The following LDAH variants were observed in gnomAD, a reference collection of about 807,000 sequenced individuals.
LDAH encodes lipid droplet associated hydrolase, also known as lipid droplet-associated hydrolase.
Under a neutral mutation model 29.6 loss-of-function variants are expected in LDAH, and 26 were observed. The ratio of observed to expected loss-of-function variants is 0.88; its 90% CI spans 0.64 to 1.22. LDAH has a LOEUF of 1.22. Ranked by LOEUF, LDAH falls within the 50% of genes most tolerant of loss-of-function variation. The pLI is 0.00. For missense variants in LDAH, 344 were observed against 387.3 expected (o/e 0.89, Z 0.94); for synonymous variants, 117 against 133.0 (o/e 0.88, Z 0.83).
At chr2:20,809,067 C>T (rs1048032164) in intron 1 of LDAH, among the ~76,000 whole-genome samples, 1 of 151,858 alleles carries the variant, frequency 6.6e-6, no homozygotes. Context: ...CCAAAGGTTT[C>T]GTAAACAAGG....
intron 5 of LDAH, among the ~76,000 whole-genome samples, chr2:20,707,052 C>T (rs1305875321): frequency 2.6e-5 from 4 of 152,158 alleles, no homozygotes; most frequent in African/African-American, 9.7e-5. Context: ...ACATTTCTTT[C>T]ATATTGAGCA....
intron 4 of LDAH, among the ~76,000 whole-genome samples, chr2:20,756,942 A>G (rs543437312): frequency 3.3e-5 from 5 of 152,366 alleles, no homozygotes; most frequent in South Asian, 2.1e-4. Context: ...TTGAAATGAC[A>G]TACTTCTCAA....
intron 4 of LDAH, among the ~76,000 whole-genome samples, chr2:20,746,698 A>C (rs138095266): frequency 1.7e-4 from 26 of 152,208 alleles, no homozygotes; most frequent in African/African-American, 5.8e-4. Context: ...AAAATCACCT[A>C]AGTCAAGGAA....
intron 5 of LDAH, among the ~76,000 whole-genome samples, chr2:20,728,660 C>T (rs527757549): frequency 6.6e-6 from 1 of 152,164 alleles, no homozygotes; most frequent in African/African-American, 2.4e-5. Flanking sequence ...GCAGGGGTGG[C>T]ACTGGGGATC....
chr2:20,754,299 G>A (rs1161003282), intron 4 of LDAH, among the ~76,000 whole-genome samples: 1 of 151,726 alleles, frequency 6.6e-6, no homozygotes, highest in Non-Finnish European at 1.5e-5. Flanking sequence ...ACCAGCCTGG[G>A]CAACACGGTG....
chr2:20,789,915 G>T (rs1476701885), intron 3 of LDAH, among the ~76,000 whole-genome samples: 1 of 152,130 alleles, frequency 6.6e-6, no homozygotes. Flanking sequence ...CCACAAAACT[G>T]GTTCCCAGAG....
At position 20,805,551 on chromosome 2, in the gene LDAH, G is replaced by A. The variant is rs377578981; in HGVS notation, c.-2-4086C>T. ...ATATACTGGTAAAGGATAATGGCAC[G>A]CCTTCAGCCTCAGCCCATAAGCAAT... On this transcript the variant is annotated intron_variant, in intron 1 of 6. Coordinates refer to ENST00000237822, the MANE Select transcript of LDAH (RefSeq NM_021925.4). 1.4e-3 allele frequency among the ~76,000 whole-genome samples: 210 copies of A among 152,250 alleles called. 3 individuals are homozygous for A. The South Asian group carries it at 0.038, about 27-fold the overall frequency.
chr2:20,806,738 G>A (rs1672091467), intron 1 of LDAH, among the ~76,000 whole-genome samples: 1 of 151,560 alleles, frequency 6.6e-6, no homozygotes, highest in South Asian at 2.1e-4. Flanking sequence ...AAGCAGAGAA[G>A]CAATAGAGAA....
At chr2:20,762,701 C>T (rs559070056) in intron 4 of LDAH, among the ~76,000 whole-genome samples, 25 of 152,334 alleles carry the variant, frequency 1.6e-4, no homozygotes, top group African/African-American at 5.1e-4. Context: ...AGTGAATTAT[C>T]TGTTCACATC....
chr2:20,747,267 T>C (rs371556624), intron 4 of LDAH, among the ~76,000 whole-genome samples: 7 of 152,298 alleles, frequency 4.6e-5, no homozygotes, highest in South Asian at 2.1e-4. Context: ...TAAGTGAAGC[T>C]GCGACAAATA....
chr2:20,766,465 C>T (rs1669043549), intron 4 of LDAH, among the ~76,000 whole-genome samples: 1 of 152,208 alleles, frequency 6.6e-6, no homozygotes, highest in Non-Finnish European at 1.5e-5. Context: ...AGAGGCTACT[C>T]CATCAATCTG....
At chr2:20,740,324 C>T in intron 4 of LDAH, 119 bp from the exon 5 acceptor site, 1 of 709,554 alleles carries the variant, frequency 1.4e-6, no homozygotes, top group Non-Finnish European at 2.4e-6. Context: ...GAGATCTCTT[C>T]AGAGTGAGAA....
intron 5 of LDAH, among the ~76,000 whole-genome samples, chr2:20,723,284 T>TTAG (rs1665786542): frequency 6.6e-6 from 1 of 152,090 alleles, no homozygotes; most frequent in Admixed American, 6.5e-5. Flanking sequence ...CATCTAGATG[T>TTAG]TAGTAGTAGT....
intron 3 of LDAH, among the ~76,000 whole-genome samples, chr2:20,785,907 G>C (rs1185261962): frequency 6.6e-6 from 1 of 152,066 alleles, no homozygotes; most frequent in Non-Finnish European, 1.5e-5. Flanking sequence ...TTACCCATCT[G>C]TTCTTGCATG....
downstream of LDAH, among the ~76,000 whole-genome samples, chr2:20,683,211 A>G (rs1432911754): frequency 6.6e-6 from 1 of 152,200 alleles, no homozygotes; most frequent in Non-Finnish European, 1.5e-5. Flanking sequence ...TGTCCCACAG[A>G]CACTCCTCAC....
chr2:20,789,283 A>G (rs1157163279), intron 3 of LDAH: 2 of 1,550,086 alleles, frequency 1.3e-6, no homozygotes, highest in African/African-American at 2.7e-5. Flanking sequence ...AGAGCCCGCG[A>G]GAGTCCCAAG....
chr2:20,739,898 CACT>C, intron 5 of LDAH, 70 bp downstream of exon 5: 1 of 1,063,310 alleles, frequency 9.4e-7, no homozygotes, highest in African/African-American at 1.6e-5. Context: ...GATATTTGTC[CACT>C]GTCAGAGAGT....
intron 5 of LDAH, among the ~76,000 whole-genome samples, chr2:20,729,954 C>T (rs115907309): frequency 0.014 from 2,070 of 152,242 alleles, 48 homozygotes; most frequent in African/African-American, 0.048. Flanking sequence ...TGCCACCATG[C>T]CTAGCTAAAT....
At chr2:20,737,204 A>T (rs545548576) in intron 5 of LDAH, among the ~76,000 whole-genome samples, 1 of 152,262 alleles carries the variant, frequency 6.6e-6, no homozygotes, top group South Asian at 2.1e-4. Flanking sequence ...TGGGTCCCAA[A>T]GTCCCTACAT....
Sources: allele counts gnomAD v4.1 joint callset (sites outside exome capture counted in the v4.1 genomes callset), GRCh38; gene constraint gnomAD v4.1.1; transcripts MANE v1.5; gene names NCBI Gene and HGNC (gene_info 2026-07-23, HGNC 2026-07-21).